The following CD226 variants were observed in gnomAD, a reference collection of about 807,000 sequenced individuals.
The protein encoded by CD226 is CD226 antigen.
A neutral mutation model predicts 34.9 loss-of-function variants in CD226; 24 were observed. The observed-to-expected ratio is 0.69, with a 90% CI of 0.50 to 0.97. The LOEUF is 0.97. Ranked by LOEUF, CD226 falls within the 50% of genes least tolerant of loss-of-function variation. The pLI is 0.00. For synonymous variants in CD226, 148 were observed against 147.4 expected, an observed-to-expected ratio of 1.00 and a Z score of -0.03; for missense variants, 397 against 412.7, an observed-to-expected ratio of 0.96 and a Z score of 0.33.
chr18:69,929,583 T>A (rs1002469109), intron 2 of CD226, among the ~76,000 whole-genome samples: 5 of 152,176 alleles, frequency 3.3e-5, no homozygotes, highest in Non-Finnish European at 5.9e-5. Context: ...GAAGGAAGAC[T>A]AGCCAAAGCT....
At position 69,920,271 on chromosome 18, in the gene CD226, T is replaced by G. The variant is rs554665653; in HGVS notation, c.383-24226A>C. Among the ~76,000 whole-genome samples, 7 of 152,366 alleles carry G rather than the reference T, an allele frequency of 4.6e-5. No individual in the cohort carries two copies. In the South Asian group the frequency reaches 1.2e-3, roughly 27 times the overall value. Reference sequence around the variant, plus strand: ...CTGGGGAAGATATTACAAATGAACTTACTTCTCTACTTCCATTTGCTTTGA... The same window carrying G: ...CTGGGGAAGATATTACAAATGAACTGACTTCTCTACTTCCATTTGCTTTGA... On this transcript the variant is annotated intron_variant, in intron 2 of 5. Coordinates refer to ENST00000582621, the MANE Select transcript of CD226 (RefSeq NM_001303618.2).
chr18:69,909,077 A>G (rs2055291987), intron 2 of CD226, among the ~76,000 whole-genome samples: 1 of 152,068 alleles, frequency 6.6e-6, no homozygotes, highest in Admixed American at 6.6e-5. Context: ...TTTTACCTCT[A>G]CCTTCTATTG....
intron 2 of CD226, among the ~76,000 whole-genome samples, chr18:69,932,164 G>A (rs924117381): frequency 6.6e-6 from 1 of 152,064 alleles, no homozygotes; most frequent in Non-Finnish European, 1.5e-5. Context: ...ATAAACTTGG[G>A]GACACAATTC....
intron 4 of CD226, among the ~76,000 whole-genome samples, chr18:69,869,947 C>A (rs1983404188): frequency 6.6e-6 from 1 of 151,328 alleles, no homozygotes; most frequent in African/African-American, 2.4e-5. Context: ...ATTACAGGCG[C>A]CCGCCACCAT....
upstream of CD226, among the ~76,000 whole-genome samples, chr18:69,949,446 G>C (rs2055828729): frequency 6.6e-6 from 1 of 152,116 alleles, no homozygotes; most frequent in African/African-American, 2.4e-5. Context: ...ATTTTCCCCT[G>C]ACAGGCACCA....
intron 3 of CD226, among the ~76,000 whole-genome samples, chr18:69,891,629 T>C (rs1257552800): frequency 2.0e-5 from 3 of 152,142 alleles, no homozygotes; most frequent in African/African-American, 7.2e-5. Flanking sequence ...AATAAATGAA[T>C]TCAGTTAAGA....
intron 2 of CD226, among the ~76,000 whole-genome samples, chr18:69,922,851 C>A (rs1324583675): frequency 6.6e-6 from 1 of 152,152 alleles, no homozygotes; most frequent in Admixed American, 6.5e-5. Context: ...TCATAACTGG[C>A]CAGGCTTGGT....
intron 3 of CD226, among the ~76,000 whole-genome samples, chr18:69,883,105 C>A (rs1175018933): frequency 6.6e-6 from 1 of 152,010 alleles, no homozygotes; most frequent in Non-Finnish European, 1.5e-5. Context: ...AATTAAATGC[C>A]AAGTCCATAA....
At chr18:69,868,851 G>A (rs1220318225) in intron 4 of CD226, among the ~76,000 whole-genome samples, 3 of 151,594 alleles carry the variant, frequency 2.0e-5, no homozygotes, top group African/African-American at 4.8e-5. Flanking sequence ...ATTTAAATAA[G>A]CCTGGAGCAT....
chr18:69,948,850 A>C (rs1184786314), upstream of CD226, among the ~76,000 whole-genome samples: 1 of 152,230 alleles, frequency 6.6e-6, no homozygotes, highest in Non-Finnish European at 1.5e-5. Flanking sequence ...CTCTGCTCTC[A>C]GGTTATGCAT....
intron 2 of CD226, among the ~76,000 whole-genome samples, chr18:69,909,072 C>T (rs2055291905): frequency 6.6e-6 from 1 of 152,296 alleles, no homozygotes; most frequent in South Asian, 2.1e-4. Context: ...CTCTGTTTTA[C>T]CTCTACCTTC....
At chr18:69,950,257 C>CT (rs1472158560), upstream of CD226, among the ~76,000 whole-genome samples, 1 of 151,446 alleles carries the variant, frequency 6.6e-6, no homozygotes, top group African/African-American at 2.4e-5. Flanking sequence ...CTCACACACT[C>CT]TGTCTCTCTC....
intron 3 of CD226, among the ~76,000 whole-genome samples, chr18:69,878,003 C>T (rs2145201759): frequency 6.6e-6 from 1 of 152,282 alleles, no homozygotes; most frequent in East Asian, 1.9e-4. Context: ...GGGCTTGCAC[C>T]TTGCTGGGCC....
intron 2 of CD226, among the ~76,000 whole-genome samples, chr18:69,935,010 C>G (rs1040945139): frequency 2.6e-5 from 4 of 152,248 alleles, no homozygotes; most frequent in African/African-American, 9.6e-5. Context: ...AAACAAAAAC[C>G]AGCAACAAAA....
At position 69,955,731 on chromosome 18, in the gene CD226, C is replaced by T. The variant is rs1249956347; in HGVS notation, c.-28+1024G>A. 4.0e-5 allele frequency among the ~76,000 whole-genome samples: 6 copies of T among 151,828 alleles called. No homozygotes were observed. In the South Asian group the frequency reaches 6.2e-4, roughly 16 times the overall value. Reference sequence around the variant, plus strand: ...ACAAAAAATTAGCCGGGTGTGGTAGCGGGCACCTGTAGTCCCAGCTACTCA... The same window carrying T: ...ACAAAAAATTAGCCGGGTGTGGTAGTGGGCACCTGTAGTCCCAGCTACTCA... On this transcript the variant is annotated intron_variant, in intron 1 of 6. Transcript: ENST00000280200.
In CD226 at chr18:69,881,343, T is replaced by G. The variant is rs1984249057; in HGVS notation, c.728-8097A>C. Among the ~76,000 whole-genome samples the G allele has an allele frequency of 3.3e-5, 5 of 152,308 alleles. No individual in the cohort carries two copies. The South Asian group carries it at 1.0e-3, about 32-fold the overall frequency. On this transcript the variant is annotated intron_variant, in intron 3 of 5. Transcript: ENST00000582621. ...ACCTTCTATATAATGTAAACAAATA[T>G]TCAACCTTTGTCCCACTTTAGACAT...
rs187897183 is a variant in CD226 at position 69,939,929 on chromosome 18, T to C, written c.382+6805A>G. Among the ~76,000 whole-genome samples the C allele has an allele frequency of 2.0e-3, 301 of 152,318 alleles. 1 individual carries two copies. Among genetic ancestry groups the C allele is most frequent in the Non-Finnish European group, 3.0e-3 (205 of 68,026 alleles). ...GCAAATTTGGGCTTATCAGTCTCCATGATCATATGATATAATTTGGCCGTG... is the reference window on the plus strand; with the variant it reads ...GCAAATTTGGGCTTATCAGTCTCCACGATCATATGATATAATTTGGCCGTG... On this transcript the variant is annotated intron_variant, in intron 2 of 5. Coordinates refer to ENST00000582621, the MANE Select transcript of CD226 (RefSeq NM_001303618.2).
intron 4 of CD226, among the ~76,000 whole-genome samples, chr18:69,868,736 G>A (rs1389827353): frequency 6.6e-6 from 1 of 152,052 alleles, no homozygotes; most frequent in Non-Finnish European, 1.5e-5. Flanking sequence ...ATCTCACAAC[G>A]TGCAGTTAAC....
intron 2 of CD226, among the ~76,000 whole-genome samples, chr18:69,900,098 C>T (rs1985514911): frequency 6.6e-6 from 1 of 152,194 alleles, no homozygotes; most frequent in East Asian, 1.9e-4. Context: ...TACTATGCAG[C>T]CATAAAAAAG....
Sources: allele counts gnomAD v4.1 joint callset (sites outside exome capture counted in the v4.1 genomes callset), GRCh38; gene constraint gnomAD v4.1.1; transcripts MANE v1.5; gene names NCBI Gene and HGNC (gene_info 2026-07-23, HGNC 2026-07-21).